Variants in ELN observed in about 807,000 individuals in gnomAD.
ELN encodes the protein elastin, also known as tropoelastin.
In ELN, 65 loss-of-function variants were observed where a neutral mutation model predicts 105.8. The ratio of observed to expected loss-of-function variants is 0.61; its 90% CI spans 0.50 to 0.75. ELN has a LOEUF of 0.75. Ranked by LOEUF, ELN falls within the 30% of genes least tolerant of loss-of-function variation. The pLI is 0.00. For missense variants in ELN, 882 were observed against 969.4 expected (o/e 0.91, Z 1.20); for synonymous variants, 368 against 389.2 (o/e 0.95, Z 0.64).
intron 4 of ELN, among the ~76,000 whole-genome samples, chr7:74,039,527 C>G (rs1563773315): frequency 6.6e-6 from 1 of 152,240 alleles, no homozygotes; most frequent in Non-Finnish European, 1.5e-5. Flanking sequence ...CCCTTGGTGA[C>G]AGAGGGTGGG....
chr7:74,042,645 G>T lies in ELN; in HGVS notation c.264G>T (p.Pro88=). Reference sequence around the variant, plus strand: ...GCGCCTTCCCCGCAGTTACCTTTCCGGGGGCTCTGGTGCCTGGTGGAGTGG... The same window carrying T: ...GCGCCTTCCCCGCAGTTACCTTTCCTGGGGCTCTGGTGCCTGGTGGAGTGG... ...GLGAFPAVTF[P]GALVPGGVAD... Residue 88 remains proline (P), a synonymous_variant, in exon 6 of 33, where the codon CCG becomes CCT. Transcript: ENST00000252034. The T allele has an allele frequency of 6.2e-7, 1 of 1,613,524 alleles. No individual in the cohort carries two copies. The highest frequency in any genetic ancestry group is 8.5e-7 in the Non-Finnish European group (1 of 1,179,988).
intron 1 of ELN, among the ~76,000 whole-genome samples, chr7:74,030,074 C>T (rs1391622046): frequency 1.3e-5 from 2 of 152,230 alleles, no homozygotes; most frequent in South Asian, 2.1e-4. Flanking sequence ...CAGCTGGCCT[C>T]ACACTTTGCA....
intron 29 of ELN, among the ~76,000 whole-genome samples, chr7:74,065,070 C>G (rs1328196965): frequency 6.6e-6 from 1 of 151,690 alleles, no homozygotes; most frequent in Non-Finnish European, 1.5e-5. Context: ...GCAAGACCCC[C>G]CCCCACCACC....
chr7:74,069,609 A>T lies in ELN; in HGVS notation c.*909A>T. On this transcript the variant is annotated 3_prime_UTR_variant, in exon 33 of 33. Coordinates refer to ENST00000252034, the MANE Select transcript of ELN (RefSeq NM_000501.4). ...TCCACTGAACTTCAGAGCAGTTCCC[A>T]TTCCTGCCCCGCCCATCTTTTTGTG... The T allele has an allele frequency of 4.3e-6, 1 of 233,452 alleles. No individual in the cohort carries two copies. Among genetic ancestry groups the T allele is most frequent in the African/African-American group, 2.2e-5 (1 of 45,384 alleles). The allele number at this position is 233,452 out of a possible 1,614,324, so 14.5% of individuals were successfully genotyped here.
chr7:74,060,337 T>C (rs1554683445), intron 24 of ELN, 39 bp from the exon 25 acceptor site: 1 of 1,614,072 alleles, frequency 6.2e-7, no homozygotes, highest in Non-Finnish European at 8.5e-7. Context: ...AGGGGCATGC[T>C]CCCTGCCTGC....
intron 18 of ELN, among the ~76,000 whole-genome samples, chr7:74,054,436 C>T (rs1349079297): frequency 6.7e-6 from 1 of 150,364 alleles, no homozygotes; most frequent in African/African-American, 2.5e-5. Flanking sequence ...CGCTATTGCA[C>T]TCCAGCCTGG....
At chr7:74,056,208 C>G (rs906116259) in intron 19 of ELN, 63 bp from the exon 20 acceptor site, 1 of 1,608,186 alleles carries the variant, frequency 6.2e-7, no homozygotes, top group Non-Finnish European at 8.5e-7. Context: ...ATCAGCATCC[C>G]TCAGAGCCCG....
rs782096458 is a variant in ELN at position 74,037,705 on chromosome 7, A to C, written c.164-2A>C. On this transcript the variant is annotated splice_acceptor_variant, in intron 3 of 32. Coordinates refer to ENST00000252034, the MANE Select transcript of ELN (RefSeq NM_000501.4). LOFTEE classifies it high-confidence loss of function. Reference sequence around the variant, plus strand: ...ATTCACTATCTTCTCTTCCCTCTGCAGCGCTGGGGCCTGGAGGCAAACCTC... The same window carrying C: ...ATTCACTATCTTCTCTTCCCTCTGCCGCGCTGGGGCCTGGAGGCAAACCTC... 8.7e-6 allele frequency: 14 copies of C among 1,612,040 alleles called. No individual in the cohort carries two copies. The Admixed American group carries it at 1.0e-4, about 12-fold the overall frequency.
chr7:74,064,284 A>T (rs561128043), intron 29 of ELN, among the ~76,000 whole-genome samples: 5 of 151,800 alleles, frequency 3.3e-5, no homozygotes, highest in Non-Finnish European at 5.9e-5. Context: ...GCGTGGTGGC[A>T]GACGCCTGTA....
chr7:74,049,709 C>T (rs1211178330), intron 15 of ELN, among the ~76,000 whole-genome samples: 2 of 151,528 alleles, frequency 1.3e-5, no homozygotes, highest in Non-Finnish European at 2.9e-5. Flanking sequence ...TCCATCCACC[C>T]ATCAATTCTT....
chr7:74,037,100 C>T (rs1554666200), intron 3 of ELN, among the ~76,000 whole-genome samples: 3 of 151,952 alleles, frequency 2.0e-5, no homozygotes, highest in South Asian at 2.1e-4. Context: ...GGATTACAGG[C>T]GTGAGCCACC....
intron 29 of ELN, among the ~76,000 whole-genome samples, chr7:74,064,423 A>AAAATAT (rs1554687738): frequency 1.9e-3 from 251 of 133,138 alleles, no homozygotes; most frequent in South Asian, 3.1e-3. Flanking sequence ...TCAAAAAAAA[A>AAAATAT]ATATATATAT....
At chr7:74,041,101 G>T in intron 4 of ELN, 115 bp from the exon 5 acceptor site, 1 of 1,376,856 alleles carries the variant, frequency 7.3e-7, no homozygotes, top group Middle Eastern at 1.8e-4. Flanking sequence ...CAGGCTTAGG[G>T]ACCAGCCTAG....
intron 5 of ELN, 84 bp downstream of exon 5, chr7:74,041,335 G>A (rs1439384408): frequency 6.4e-7 from 1 of 1,567,368 alleles, no homozygotes; most frequent in African/African-American, 1.4e-5. Flanking sequence ...GCACGGTCAT[G>A]GAACAAGGGT....
At chr7:74,060,266 G>T in intron 24 of ELN, 82 bp downstream of exon 24, 1 of 1,613,758 alleles carries the variant, frequency 6.2e-7, no homozygotes, top group Non-Finnish European at 8.5e-7. Flanking sequence ...GGAGGCCGCT[G>T]CTTGGATCTG....
At chr7:74,039,492 C>T (rs782700482) in intron 4 of ELN, among the ~76,000 whole-genome samples, 16 of 152,326 alleles carry the variant, frequency 1.1e-4, no homozygotes, top group East Asian at 3.9e-4. Context: ...ACAGGCAGCG[C>T]GTGTCATGCT....
chr7:74,054,653 T>C (rs953767549), intron 18 of ELN, 63 bp from the exon 19 acceptor site: 35 of 1,533,504 alleles, frequency 2.3e-5, no homozygotes, highest in Non-Finnish European at 2.9e-5. Flanking sequence ...GACAGAGGGA[T>C]ACATACTACA....
rs1554668215 is a variant in ELN at position 74,041,195 on chromosome 7, GTC to G, written c.197-17_197-16del. The G allele has an allele frequency of 4.3e-6, 7 of 1,613,978 alleles. No homozygotes were observed. Among genetic ancestry groups the G allele is most frequent in the African/African-American group, 1.3e-5 (1 of 75,052 alleles). ...GCCTAGGAACACTGCCTACACTCCT[GTC>G]TCTGTTTCTTATCCACAGTTCCCGG... is the stretch of plus-strand genomic sequence containing the variant. On this transcript the variant is annotated intron_variant, in intron 4 of 32. Transcript: ENST00000252034.
At chr7:74,050,403 A>G (rs782552906) in intron 15 of ELN, among the ~76,000 whole-genome samples, 1 of 150,724 alleles carries the variant, frequency 6.6e-6, no homozygotes, top group Non-Finnish European at 1.5e-5. Context: ...CCATCCATCC[A>G]TCCATCCATC....
Sources: allele counts gnomAD v4.1 joint callset (sites outside exome capture counted in the v4.1 genomes callset), GRCh38; gene constraint gnomAD v4.1.1; transcripts MANE v1.5; gene names NCBI Gene and HGNC (gene_info 2026-07-23, HGNC 2026-07-21).